The following FAM184B variants were observed in gnomAD, a reference collection of about 807,000 sequenced individuals.
FAM184B encodes the protein family with sequence similarity 184 member B, also known as protein FAM184B.
In FAM184B, 111 loss-of-function variants were observed where a neutral mutation model predicts 135.9. That is an observed-to-expected ratio of 0.82 (90% CI 0.70 to 0.96). The LOEUF (loss-of-function observed/expected upper bound fraction) is 0.96, where lower values mean the gene tolerates loss of function less well. Among genes scored for constraint, FAM184B ranks in the 40% least tolerant of loss-of-function variants. The pLI is 0.00. For missense variants in FAM184B, 1,375 were observed against 1,323.9 expected (o/e 1.04, Z -0.60); for synonymous variants, 552 against 524.8 (o/e 1.05, Z -0.71).
At chr4:17,634,201 A>G in intron 16 of FAM184B, 1 of 224,398 alleles carries the variant, frequency 4.5e-6, no homozygotes, top group Non-Finnish European at 8.6e-6. Context: ...CCCTAGCCTC[A>G]AATGCATTTA....
At chr4:17,644,656 C>T (rs2108932517) in intron 12 of FAM184B, among the ~76,000 whole-genome samples, 1 of 152,300 alleles carries the variant, frequency 6.6e-6, no homozygotes, top group South Asian at 2.1e-4. Context: ...AAACTGGAAG[C>T]ATTCCCTTTG....
chr4:17,704,092 C>T (rs1288827158), intron 5 of FAM184B, among the ~76,000 whole-genome samples: 1 of 152,136 alleles, frequency 6.6e-6, no homozygotes, highest in Non-Finnish European at 1.5e-5. Flanking sequence ...ATTTACTACT[C>T]GTAACCCCCA....
chr4:17,647,890 T>G (rs1479672001), intron 11 of FAM184B, 99 bp from the exon 12 acceptor site: 20 of 1,376,870 alleles, frequency 1.5e-5, no homozygotes, highest in Non-Finnish European at 1.9e-5. Context: ...ATGACGTGGG[T>G]GGCTGCTGAA....
At chr4:17,634,576 G>A (rs1443315246) in intron 16 of FAM184B, among the ~76,000 whole-genome samples, 2 of 152,042 alleles carry the variant, frequency 1.3e-5, no homozygotes, top group African/African-American at 2.4e-5. Flanking sequence ...CACCCACCTC[G>A]GCCTCCCAAA....
intron 1 of FAM184B, among the ~76,000 whole-genome samples, chr4:17,748,100 T>A (rs1211497197): frequency 1.4e-5 from 1 of 73,452 alleles, no homozygotes; most frequent in African/African-American, 5.0e-5. Context: ...AAAGACTCCG[T>A]CTGAAAAAAA....
intron 1 of FAM184B, among the ~76,000 whole-genome samples, chr4:17,739,555 G>GTTTTTTTTTGTTTTTTTTTTTTTTT (rs1553841417): frequency 1.6e-4 from 10 of 62,510 alleles, no homozygotes; most frequent in African/African-American, 5.5e-4. Context: ...CATACCAACT[G>GTTTTTTTTTGTTTTTTTTTTTTTTT]TTTTTTTTTT....
rs1427085626 is a variant in FAM184B, at chr4:17,630,846, T to TC, written c.*1685dup. 4.6e-5 allele frequency: 7 copies of TC among 152,178 alleles called. No individual in the cohort carries two copies. Among genetic ancestry groups the TC allele is most frequent in the African/African-American group, 1.7e-4 (7 of 41,444 alleles). The allele number at this position is 152,178 out of a possible 1,614,324, so 9.4% of individuals were successfully genotyped here. The stretch of plus-strand genomic sequence containing the variant: ...TGAACTTTCTATTTCTAAGCTGTCT[T>TC]CATCTAATTTTACCTTTCTGTGGAA... On this transcript the variant is annotated 3_prime_UTR_variant, in exon 18 of 18. Transcript: ENST00000265018.
intron 14 of FAM184B, among the ~76,000 whole-genome samples, 178 bp from the exon 15 acceptor site, chr4:17,636,823 A>G (rs971337712): frequency 9.2e-5 from 14 of 152,160 alleles, no homozygotes; most frequent in African/African-American, 3.4e-4. Flanking sequence ...CCAGGATTCC[A>G]GCTCTGTCAG....
At chr4:17,722,955 A>C (rs759620169) in intron 1 of FAM184B, among the ~76,000 whole-genome samples, 1 of 152,252 alleles carries the variant, frequency 6.6e-6, no homozygotes, top group Non-Finnish European at 1.5e-5. Flanking sequence ...ATAACCATGC[A>C]TACAAATGGA....
rs1715037285 is a variant in FAM184B at position 17,633,802 on chromosome 4, C to G, written c.2976G>C (p.Leu992=). 3.2e-6 allele frequency: 5 copies of G among 1,551,610 alleles called. No individual in the cohort carries two copies. The South Asian group carries it at 3.6e-5, about 11-fold the overall frequency. The change falls in exon 17 of 18, where the codon CTG becomes CTC. Residue 992 remains leucine, a synonymous_variant. Coordinates refer to ENST00000265018, the MANE Select transcript of FAM184B (RefSeq NM_015688.2). ...TTGGAGGGGCATTAATCCTGGAACTCAGATCGCCACTCAGAAAGTTCTTTG... is the reference window on the plus strand; with the variant it reads ...TTGGAGGGGCATTAATCCTGGAACTGAGATCGCCACTCAGAAAGTTCTTTG... The part of the protein sequence containing the change: ...SYAKNFLSGD[L]SSRINAPPIT...
intron 1 of FAM184B, among the ~76,000 whole-genome samples, chr4:17,715,229 C>T (rs1399896945): frequency 6.6e-6 from 1 of 152,050 alleles, no homozygotes; most frequent in African/African-American, 2.4e-5. Flanking sequence ...AATCCCAGCA[C>T]TTTGGGACGC....
At chr4:17,732,000 G>A (rs1459065114) in intron 1 of FAM184B, among the ~76,000 whole-genome samples, 12 of 152,238 alleles carry the variant, frequency 7.9e-5, no homozygotes, top group African/African-American at 2.6e-4. Flanking sequence ...AGACCACAGT[G>A]CAATCAAACT....
chr4:17,728,421 C>A (rs1717693265), intron 1 of FAM184B, among the ~76,000 whole-genome samples: 1 of 152,136 alleles, frequency 6.6e-6, no homozygotes, highest in South Asian at 2.1e-4. Flanking sequence ...TAACATGCCT[C>A]AGAACATATT....
intron 7 of FAM184B, among the ~76,000 whole-genome samples, chr4:17,678,058 C>T (rs893372239): frequency 6.6e-6 from 1 of 152,064 alleles, no homozygotes; most frequent in Non-Finnish European, 1.5e-5. Context: ...ACTTGCAGCC[C>T]ACATTCTACT....
At chr4:17,647,823 G>C (rs1357200472) in intron 11 of FAM184B, 32 bp from the exon 12 acceptor site, 7 of 1,541,194 alleles carry the variant, frequency 4.5e-6, no homozygotes, top group African/African-American at 1.4e-5. Context: ...TGAGTTAGGC[G>C]TTGGGTCTAG....
chr4:17,696,499 A>G (rs1716861452), intron 5 of FAM184B, among the ~76,000 whole-genome samples: 1 of 152,212 alleles, frequency 6.6e-6, no homozygotes. Flanking sequence ...CAAGATAAAG[A>G]ACATGGAATG....
chr4:17,764,676 T>C (rs1034226804), intron 1 of FAM184B, among the ~76,000 whole-genome samples: 1 of 152,138 alleles, frequency 6.6e-6, no homozygotes, highest in Non-Finnish European at 1.5e-5. Context: ...CTAGAAGCTG[T>C]TGGGAGTTCA....
chr4:17,760,297 C>G (rs572262782), intron 1 of FAM184B, among the ~76,000 whole-genome samples: 4 of 152,154 alleles, frequency 2.6e-5, no homozygotes, highest in African/African-American at 9.6e-5. Flanking sequence ...AAACCCATCT[C>G]TACTAAAAAT....
Position 17,708,921 on chromosome 4 carries a change from A to T in FAM184B, c.865T>A (p.Tyr289Asn), listed in dbSNP as rs1280035567. Residue 289 changes from tyrosine to asparagine, a missense_variant, in exon 2 of 18, where the codon TAC becomes AAC. Physicochemically the swap from Tyr to Asn is moderately radical, Grantham distance 143. Transcript: ENST00000265018. ...RGRKISDLKK[Y>N]AQKLKERIQD... ...ATCCTCTCCTTCAGCTTCTGGGCGT[A>T]CTTCTTCAGGTCACTTATCTTGCGG... 2.0e-6 allele frequency: 3 copies of T among 1,533,514 alleles called. No individual in the cohort carries two copies. The highest frequency in any genetic ancestry group is 2.5e-5 in the South Asian group (2 of 81,126). The allele number at this position is 1,533,514 out of a possible 1,614,324, so 95.0% of individuals were successfully genotyped here.
Sources: gnomAD v4.1 joint callset for allele counts (sites outside exome capture counted in the v4.1 genomes callset) on GRCh38, gnomAD v4.1.1 for gene constraint, MANE v1.5 for transcripts, NCBI Gene and HGNC (gene_info 2026-07-23, HGNC 2026-07-21) for gene names.